Variants in PMEPA1 observed in about 807,000 individuals in gnomAD.
PMEPA1 encodes prostate transmembrane protein, androgen induced 1.
A neutral mutation model predicts 23.0 loss-of-function variants in PMEPA1; 11 were observed. The observed-to-expected ratio is 0.48, with a 90% CI of 0.30 to 0.79. The LOEUF (loss-of-function observed/expected upper bound fraction) is 0.79, where lower values mean the gene tolerates loss of function less well. Ranked by LOEUF, PMEPA1 falls within the 30% of genes least tolerant of loss-of-function variation. The pLI is 0.06. For missense variants in PMEPA1, 377 were observed against 390.9 expected (o/e 0.96, Z 0.30); for synonymous variants, 204 against 166.4 (o/e 1.23, Z -1.74).
chr20:57,698,689 C>T (rs968260636), intron 1 of PMEPA1, among the ~76,000 whole-genome samples: 2 of 152,288 alleles, frequency 1.3e-5, no homozygotes, highest in East Asian at 1.9e-4. Context: ...ACTGGCGCGG[C>T]GGGCACCAAG....
At chr20:57,691,080 T>A (rs1404031591) in intron 1 of PMEPA1, among the ~76,000 whole-genome samples, 1 of 152,162 alleles carries the variant, frequency 6.6e-6, no homozygotes, top group Non-Finnish European at 1.5e-5. Flanking sequence ...CAGTCATTGG[T>A]TTTCTGGCCG....
At chr20:57,687,990 G>T (rs1319474453) in intron 1 of PMEPA1, among the ~76,000 whole-genome samples, 1 of 152,162 alleles carries the variant, frequency 6.6e-6, no homozygotes, top group Non-Finnish European at 1.5e-5. Flanking sequence ...TGGGTTCAGT[G>T]TCTTTCCCTC....
rs181320991 is a variant in PMEPA1, at chr20:57,654,840, G to A, written c.265-1754C>T. ...CCATCTCCCAGAGGCTGCGAGTGCC[G>A]CTGGTCTTTGAGGTCCTTGAGGGGT... On this transcript the variant is annotated intron_variant, in intron 2 of 3. Transcript: ENST00000341744. Among the ~76,000 whole-genome samples, 15 of 152,224 alleles carry A rather than the reference G, an allele frequency of 9.9e-5. No homozygotes were observed. The East Asian group carries it at 1.7e-3, about 18-fold the overall frequency.
chr20:57,670,547 G>A (rs533407114), intron 1 of PMEPA1, among the ~76,000 whole-genome samples: 19 of 152,236 alleles, frequency 1.2e-4, no homozygotes, highest in South Asian at 4.1e-4. Context: ...CCCTCAGGTC[G>A]CATGCACACC....
At chr20:57,710,587 C>T (rs201891959), upstream of PMEPA1, 4 of 959,558 alleles carry the variant, frequency 4.2e-6, no homozygotes, top group African/African-American at 3.4e-5. Context: ...CGGGAACTCG[C>T]GTAGACACGC....
At chr20:57,699,453 G>A (rs2146708668) in intron 1 of PMEPA1, among the ~76,000 whole-genome samples, 1 of 152,350 alleles carries the variant, frequency 6.6e-6, no homozygotes, top group East Asian at 1.9e-4. Flanking sequence ...GGGAGAGTAA[G>A]GAGCTGACCA....
At chr20:57,700,023 T>A (rs1432356214) in intron 1 of PMEPA1, 3 of 471,186 alleles carry the variant, frequency 6.4e-6, no homozygotes, top group Non-Finnish European at 1.3e-5. Flanking sequence ...CACCTTTTTG[T>A]ATTCTTAACC....
intron 1 of PMEPA1, among the ~76,000 whole-genome samples, chr20:57,697,648 C>G (rs2071958678): frequency 6.6e-6 from 1 of 152,170 alleles, no homozygotes; most frequent in Non-Finnish European, 1.5e-5. Context: ...GTGGAGGATG[C>G]AGTGCAGCTA....
chr20:57,709,850 T>C lies in PMEPA1; in HGVS notation c.-268A>G. The C allele has an allele frequency of 6.1e-6, 6 of 985,080 alleles. No individual in the cohort carries two copies. Among genetic ancestry groups the C allele is most frequent in the Non-Finnish European group, 7.2e-6 (6 of 831,306 alleles). 61.0% of individuals were successfully genotyped at this position (985,080 alleles called of 1,614,324 possible). ...CGCGGGTGGCGTCCGGAAAATGGGC[T>C]GGCAGCGGGGCGCGCGCTGCCGCCG... On this transcript the variant is annotated 5_prime_UTR_variant, in exon 1 of 4. Transcript: ENST00000341744.
Position 57,655,998 on chromosome 20 carries a change from A to G in PMEPA1, c.265-2912T>C, listed in dbSNP as rs904955760. ...AGGCAGCCGCAGTGAGCTGACGCTCAGGCAGCTCCTCCCAGACCCCTCCAG... is the reference window on the plus strand; with the variant it reads ...AGGCAGCCGCAGTGAGCTGACGCTCGGGCAGCTCCTCCCAGACCCCTCCAG... On this transcript the variant is annotated intron_variant, in intron 2 of 3. Transcript: ENST00000341744. The surrounding 1 kb of genome is among the most constrained non-coding windows in gnomAD (Gnocchi z 4.2). Among the ~76,000 whole-genome samples the G allele has an allele frequency of 6.6e-6, 1 of 152,036 alleles. No individual in the cohort carries two copies. Among genetic ancestry groups the G allele is most frequent in the African/African-American group, 2.4e-5 (1 of 41,442 alleles).
At position 57,652,010 on chromosome 20, in the gene PMEPA1, G is replaced by A; in HGVS notation, c.*43C>T. On this transcript the variant is annotated 3_prime_UTR_variant, in exon 4 of 4. Transcript: ENST00000341744. The surrounding 1 kb of genome is among the most constrained non-coding windows in gnomAD (Gnocchi z 6.1). The stretch of plus-strand genomic sequence containing the variant: ...TCTTCTAAGAAGCGCGGAGTGTTCT[G>A]CCTTTTCACCTACGCAGCCCCAGCC... 7.0e-7 allele frequency: 1 copy of A among 1,433,732 alleles called. No individual in the cohort carries two copies. The highest frequency in any genetic ancestry group is 9.2e-7 in the Non-Finnish European group (1 of 1,083,230). The allele number at this position is 1,433,732 out of a possible 1,614,324, so 88.8% of individuals were successfully genotyped here. A position where few individuals can be genotyped will look rare whatever the true frequency, so the allele number is the denominator to read the frequency against.
At chr20:57,667,764 C>T (rs1216234484) in intron 1 of PMEPA1, among the ~76,000 whole-genome samples, 1 of 152,204 alleles carries the variant, frequency 6.6e-6, no homozygotes, top group Non-Finnish European at 1.5e-5. Flanking sequence ...TCTGCAGAGC[C>T]CCAGCGGCCC....
chr20:57,680,842 C>T (rs1478774607), intron 1 of PMEPA1, among the ~76,000 whole-genome samples: 1 of 152,202 alleles, frequency 6.6e-6, no homozygotes, highest in Non-Finnish European at 1.5e-5. Flanking sequence ...ACCACCATGC[C>T]AGACACACAG....
At chr20:57,680,164 C>T (rs905544995) in intron 1 of PMEPA1, among the ~76,000 whole-genome samples, 13 of 152,188 alleles carry the variant, frequency 8.5e-5, no homozygotes, top group Admixed American at 4.6e-4. Flanking sequence ...GACACACCAG[C>T]GGGGAGAGCT....
chr20:57,652,162 G>A lies in PMEPA1; in HGVS notation c.755C>T (p.Pro252Leu), dbSNP rs377642904. 40 of 1,605,802 alleles carry A rather than the reference G, an allele frequency of 2.5e-5. No individual in the cohort carries two copies. Among genetic ancestry groups the A allele is most frequent in the Non-Finnish European group, 2.4e-5 (28 of 1,176,558 alleles). ...CCGGGTCCCCTCCAGCAAGGAGGGC[G>A]GCCCACTGCTCTGCTGGTGCTGGAA... ...SSFQHQQSSG[P>L]PSLLEGTRLH... Residue 252 changes from proline (P) to leucine (L), a missense_variant, in exon 4 of 4, where the codon CCG becomes CTG. By Grantham distance (98) the Pro-to-Leu change is moderately conservative. Transcript: ENST00000341744. The surrounding 1 kb of genome is among the most constrained non-coding windows in gnomAD (Gnocchi z 6.1).
At chr20:57,703,324 A>G (rs778974301) in intron 1 of PMEPA1, among the ~76,000 whole-genome samples, 10 of 152,196 alleles carry the variant, frequency 6.6e-5, no homozygotes, top group African/African-American at 1.9e-4. Flanking sequence ...AAAAATTTCA[A>G]TTGATTCTCA....
At chr20:57,703,589 G>A (rs1319382776) in intron 1 of PMEPA1, among the ~76,000 whole-genome samples, 6 of 152,194 alleles carry the variant, frequency 3.9e-5, no homozygotes, top group African/African-American at 7.2e-5. Context: ...TGCTGGGGTC[G>A]TTGCCAGCCA....
At chr20:57,657,739 G>A (rs1007923762) in intron 2 of PMEPA1, among the ~76,000 whole-genome samples, 5 of 152,184 alleles carry the variant, frequency 3.3e-5, no homozygotes, top group Admixed American at 6.5e-5. Flanking sequence ...CAGGCCTTCC[G>A]GCTAGGGACT....
At chr20:57,657,609 G>A (rs994349403) in intron 2 of PMEPA1, among the ~76,000 whole-genome samples, 1 of 152,064 alleles carries the variant, frequency 6.6e-6, no homozygotes, top group Non-Finnish European at 1.5e-5. Flanking sequence ...GTGGGCCCCG[G>A]GTCTGTGGGC....
Sources: allele counts gnomAD v4.1 joint callset (sites outside exome capture counted in the v4.1 genomes callset), GRCh38; gene constraint gnomAD v4.1.1; non-coding constraint Gnocchi (gnomAD v3.1); transcripts MANE v1.5; gene names NCBI Gene and HGNC (gene_info 2026-07-23, HGNC 2026-07-21).